The following ST6GALNAC3 variants were observed in gnomAD, a reference collection of about 807,000 sequenced individuals.
ST6GALNAC3 encodes the protein ST6 N-acetylgalactosaminide alpha-2,6-sialyltransferase 3.
In ST6GALNAC3, 25 loss-of-function variants were observed where a neutral mutation model predicts 32.7. The ratio of observed to expected loss-of-function variants is 0.76; its 90% CI spans 0.56 to 1.07. ST6GALNAC3 has a LOEUF of 1.07. Ranked by LOEUF, ST6GALNAC3 falls within the 50% of genes least tolerant of loss-of-function variation. ST6GALNAC3 has a pLI of 0.00. For synonymous variants in ST6GALNAC3, 129 were observed against 133.1 expected (o/e 0.97, Z 0.21); for missense variants, 355 against 382.4 (o/e 0.93, Z 0.60).
chr1:76,538,402 C>T (rs1018402829), intron 3 of ST6GALNAC3, among the ~76,000 whole-genome samples: 5 of 152,170 alleles, frequency 3.3e-5, no homozygotes, highest in African/African-American at 7.2e-5. Context: ...GACAAACCCA[C>T]AGCCAATATC....
intron 3 of ST6GALNAC3, among the ~76,000 whole-genome samples, chr1:76,572,775 G>A (rs936148124): frequency 6.6e-6 from 1 of 152,132 alleles, no homozygotes. Flanking sequence ...TGAATTAGTT[G>A]ATGAAGGAAA....
chr1:76,172,808 A>G (rs1165520244), intron 1 of ST6GALNAC3, among the ~76,000 whole-genome samples: 1 of 152,218 alleles, frequency 6.6e-6, no homozygotes, highest in East Asian at 1.9e-4. Flanking sequence ...AAGGAGAACT[A>G]CAAACCACTA....
chr1:76,514,831 A>G (rs560914534), intron 3 of ST6GALNAC3, among the ~76,000 whole-genome samples: 1 of 152,278 alleles, frequency 6.6e-6, no homozygotes, highest in South Asian at 2.1e-4. Flanking sequence ...TGATTTGCAT[A>G]TGTTGAACCA....
intron 1 of ST6GALNAC3, among the ~76,000 whole-genome samples, chr1:76,183,567 A>G (rs908433864): frequency 1.3e-5 from 2 of 151,940 alleles, no homozygotes; most frequent in Non-Finnish European, 2.9e-5. Context: ...TCATTAGGTG[A>G]TTATGTTATT....
chr1:76,509,203 TAAAC>T lies in ST6GALNAC3; in HGVS notation c.623+96788_623+96791del, dbSNP rs914785056. On this transcript the variant is annotated intron_variant, in intron 3 of 4. Coordinates refer to ENST00000328299, the MANE Select transcript of ST6GALNAC3 (RefSeq NM_152996.4). This position sits in a 1 kb window ranked among gnomAD's most constrained non-coding sequence, Gnocchi z 5.5. ...ATCACTCAGTGCAGTCTAGGACAAA[TAAAC>T]AGGCAAACAAACAGGAAAACACAAA... Among the ~76,000 whole-genome samples, 1 of 152,134 alleles carries T rather than the reference TAAAC, an allele frequency of 6.6e-6. No homozygotes were observed. The highest frequency in any genetic ancestry group is 2.4e-5 in the African/African-American group (1 of 41,438).
At chr1:76,519,921 CTG>C (rs1438559319) in intron 3 of ST6GALNAC3, among the ~76,000 whole-genome samples, 1 of 151,310 alleles carries the variant, frequency 6.6e-6, no homozygotes, top group Non-Finnish European at 1.5e-5. Flanking sequence ...TGCACACACA[CTG>C]TATGTATATT....
intron 1 of ST6GALNAC3, among the ~76,000 whole-genome samples, chr1:76,117,368 A>G (rs189605526): frequency 6.6e-6 from 1 of 152,354 alleles, no homozygotes; most frequent in African/African-American, 2.4e-5. Context: ...AAACACTTGG[A>G]CAAGATAACT....
chr1:76,605,955 A>G (rs561716871), intron 3 of ST6GALNAC3, among the ~76,000 whole-genome samples: 1 of 151,528 alleles, frequency 6.6e-6, no homozygotes, highest in Non-Finnish European at 1.5e-5. Flanking sequence ...AAAACCATGT[A>G]AAAAACAGTT....
At chr1:76,087,504 G>C (rs1449992795) in intron 1 of ST6GALNAC3, among the ~76,000 whole-genome samples, 2 of 152,194 alleles carry the variant, frequency 1.3e-5, no homozygotes. Flanking sequence ...TTTTTTTCTA[G>C]GGGAATTTAG....
chr1:76,599,207 G>C (rs1467149769), intron 3 of ST6GALNAC3, among the ~76,000 whole-genome samples: 2 of 134,258 alleles, frequency 1.5e-5, no homozygotes, highest in African/African-American at 2.8e-5. Context: ...CAAATAATTG[G>C]AATATTTATG....
At chr1:76,492,794 T>C (rs1051428889) in intron 3 of ST6GALNAC3, among the ~76,000 whole-genome samples, 1 of 152,104 alleles carries the variant, frequency 6.6e-6, no homozygotes, top group Admixed American at 6.6e-5. Flanking sequence ...ATGAAGCATA[T>C]GGTTTGAGAA....
chr1:76,116,120 A>T (rs1648455119), intron 1 of ST6GALNAC3, among the ~76,000 whole-genome samples: 1 of 152,240 alleles, frequency 6.6e-6, no homozygotes, highest in African/African-American at 2.4e-5. Flanking sequence ...TCTAAGTGGA[A>T]GATAAGTTGA....
At chr1:76,574,819 G>T (rs1467695931) in intron 3 of ST6GALNAC3, among the ~76,000 whole-genome samples, 1 of 152,056 alleles carries the variant, frequency 6.6e-6, no homozygotes, top group Non-Finnish European at 1.5e-5. Context: ...GGAAGAATGG[G>T]TTGTTAGGGG....
chr1:76,098,495 G>T (rs1375949198), intron 1 of ST6GALNAC3, among the ~76,000 whole-genome samples: 1 of 152,072 alleles, frequency 6.6e-6, no homozygotes, highest in African/African-American at 2.4e-5. Context: ...ATCTCTTTGT[G>T]GTTTTAATTT....
At chr1:76,496,378 G>A (rs749585992) in intron 3 of ST6GALNAC3, among the ~76,000 whole-genome samples, 2 of 152,160 alleles carry the variant, frequency 1.3e-5, no homozygotes, top group Admixed American at 6.6e-5. Flanking sequence ...CCCATACCGG[G>A]CATTCTGGCT....
rs1277323935 is a variant in ST6GALNAC3 at position 76,611,556 on chromosome 1, T to G, written c.624-15896T>G. Among the ~76,000 whole-genome samples, 11 of 152,318 alleles carry G rather than the reference T, an allele frequency of 7.2e-5. No individual in the cohort carries two copies. The East Asian group carries it at 2.1e-3, about 29-fold the overall frequency. ...CTCTTCTCCATACCCCTCTCCTCCC[T>G]TCAGAGAAGCACATTCATCTAAGTG... On this transcript the variant is annotated intron_variant, in intron 3 of 4. Coordinates refer to ENST00000328299, the MANE Select transcript of ST6GALNAC3 (RefSeq NM_152996.4).
chr1:76,478,514 T>G (rs928443515), intron 3 of ST6GALNAC3, among the ~76,000 whole-genome samples: 4 of 152,152 alleles, frequency 2.6e-5, no homozygotes, highest in African/African-American at 9.7e-5. Context: ...GTAGCTAATT[T>G]CTAGGGAGAC....
At chr1:76,117,073 TAA>T (rs1648528730) in intron 1 of ST6GALNAC3, among the ~76,000 whole-genome samples, 1 of 152,212 alleles carries the variant, frequency 6.6e-6, no homozygotes, top group Non-Finnish European at 1.5e-5. Flanking sequence ...AGTATTCCCC[TAA>T]AAAGTTTTCT....
intron 2 of ST6GALNAC3, among the ~76,000 whole-genome samples, chr1:76,378,366 A>G (rs893154218): frequency 6.6e-5 from 10 of 152,164 alleles, no homozygotes; most frequent in Non-Finnish European, 1.3e-4. Flanking sequence ...TGATTCTAAA[A>G]GTTGCTTTTT....
Sources: gnomAD v4.1 joint callset for allele counts (sites outside exome capture counted in the v4.1 genomes callset) on GRCh38, gnomAD v4.1.1 for gene constraint, Gnocchi (gnomAD v3.1) non-coding constraint, MANE v1.5 for transcripts, NCBI Gene and HGNC (gene_info 2026-07-23, HGNC 2026-07-21) for gene names.